The following ITPK1 variants were observed in gnomAD, a reference collection of about 807,000 sequenced individuals.
The protein encoded by ITPK1 is inositol-tetrakisphosphate 1-kinase.
In ITPK1, 21 loss-of-function variants were observed where a neutral mutation model predicts 45.3. The ratio of observed to expected loss-of-function variants is 0.46; its 90% CI spans 0.33 to 0.67. The LOEUF is 0.67. Ranked by LOEUF, ITPK1 falls within the 30% of genes least tolerant of loss-of-function variation. ITPK1 has a pLI of 0.02. For synonymous variants in ITPK1, 258 were observed against 253.6 expected (o/e 1.02, Z -0.16); for missense variants, 474 against 573.5 (o/e 0.83, Z 1.77).
At chr14:92,987,300 G>C (rs1288180339) in intron 5 of ITPK1, among the ~76,000 whole-genome samples, 1 of 152,214 alleles carries the variant, frequency 6.6e-6, no homozygotes, top group East Asian at 1.9e-4. Flanking sequence ...TTGGCTGTGG[G>C]GGTGCAGGAA....
In ITPK1 at chr14:92,941,450, A is replaced by C; in HGVS notation, c.*111T>G. 7.0e-7 allele frequency: 1 copy of C among 1,424,338 alleles called. No homozygotes were observed. Among genetic ancestry groups the C allele is most frequent in the Middle Eastern group, 2.6e-4 (1 of 3,858 alleles). 88.2% of individuals were successfully genotyped at this position (1,424,338 alleles called of 1,614,324 possible). A position where few individuals can be genotyped will look rare whatever the true frequency, so the allele number is the denominator to read the frequency against. On this transcript the variant is annotated 3_prime_UTR_variant, in exon 11 of 11. Transcript: ENST00000267615. ...AGAATCAGGTTAAAAATTAAAAAAC[A>C]GAAGAATCAGATCACTGGGGATTCT... is the stretch of plus-strand genomic sequence containing the variant.
At chr14:92,990,958 T>C (rs115396522) in intron 5 of ITPK1, among the ~76,000 whole-genome samples, 6,315 of 151,994 alleles carry the variant, frequency 0.042, 429 homozygotes, top group African/African-American at 0.14. Flanking sequence ...AGCTCTGTTT[T>C]CCCTGCAGCT....
chr14:92,940,819 T>A lies in ITPK1; in HGVS notation c.*742A>T. On this transcript the variant is annotated 3_prime_UTR_variant, in exon 11 of 11. Transcript: ENST00000267615. ...CGGGCCTCCAGCCAGGCAGCCTCCT[T>A]CCCGGGCTCCAGGGAGCAGCAGTGC... The A allele has an allele frequency of 7.8e-7, 1 of 1,287,026 alleles. No homozygotes were observed. The highest frequency in any genetic ancestry group is 1.2e-5 in the South Asian group (1 of 80,678). The allele number at this position is 1,287,026 out of a possible 1,614,324, so 79.7% of individuals were successfully genotyped here.
chr14:92,946,388 T>C lies in ITPK1; in HGVS notation c.844A>G (p.Ile282Val), dbSNP rs554644267. The C allele has an allele frequency of 1.9e-5, 30 of 1,613,454 alleles. No individual in the cohort carries two copies. The East Asian group carries it at 5.1e-4, about 28-fold the overall frequency. Reference sequence around the variant, plus strand: ...TGCCCTGTCTGGTTGTTGATGATGATGTCGATGCCGAAGAGTGACACGCCC... The same window carrying C: ...TGCCCTGTCTGGTTGTTGATGATGACGTCGATGCCGAAGAGTGACACGCCC... ...ALGVSLFGID[I>V]IINNQTGQHA... Residue 282 changes from isoleucine to valine, a missense_variant, in exon 10 of 11, where the codon ATC becomes GTC. Ile to Val is a conservative substitution (Grantham distance 29). Transcript: ENST00000267615.
chr14:92,996,883 T>C (rs1595121823), intron 4 of ITPK1, among the ~76,000 whole-genome samples: 4 of 152,286 alleles, frequency 2.6e-5, no homozygotes, highest in African/African-American at 7.2e-5. Flanking sequence ...GGCAAGTCAC[T>C]TGGCTTCTCA....
At chr14:93,100,678 T>C (rs1205347505) in intron 2 of ITPK1, among the ~76,000 whole-genome samples, 1 of 151,964 alleles carries the variant, frequency 6.6e-6, no homozygotes, top group Admixed American at 6.5e-5. Context: ...TACATCCCCT[T>C]TATTACCGAA....
In ITPK1 at chr14:93,115,205, C is replaced by T. The variant is rs1245528304; in HGVS notation, c.-42G>A. The T allele has an allele frequency of 2.8e-6, 4 of 1,446,206 alleles. No homozygotes were observed. The highest frequency in any genetic ancestry group is 3.8e-6 in the Non-Finnish European group (4 of 1,043,392). 89.6% of individuals were successfully genotyped at this position (1,446,206 alleles called of 1,614,324 possible). A position where few individuals can be genotyped will look rare whatever the true frequency, so the allele number is the denominator to read the frequency against. On this transcript the variant is annotated 5_prime_UTR_variant, in exon 2 of 11. Coordinates refer to ENST00000267615, the MANE Select transcript of ITPK1 (RefSeq NM_014216.6). The stretch of plus-strand genomic sequence containing the variant: ...GGAGCCTGGGTCCGGAGGAAATCGC[C>T]CACAGGCCGAGTCTGGCGGCCGGCG...
chr14:92,941,284 G>C lies in ITPK1; in HGVS notation c.*277C>G. The C allele has an allele frequency of 7.2e-7, 1 of 1,390,682 alleles. No individual in the cohort carries two copies. The highest frequency in any genetic ancestry group is 9.3e-7 in the Non-Finnish European group (1 of 1,077,830). 86.1% of individuals were successfully genotyped at this position (1,390,682 alleles called of 1,614,324 possible). ...ACCCCTCACCTCCCATCCAGACCTA[G>C]TGTTGCAAACACAAGCGTGTGTAAA... On this transcript the variant is annotated 3_prime_UTR_variant, in exon 11 of 11. Transcript: ENST00000267615.
chr14:93,015,619 C>T (rs1158446451), intron 4 of ITPK1, among the ~76,000 whole-genome samples: 3 of 152,250 alleles, frequency 2.0e-5, no homozygotes, highest in Non-Finnish European at 4.4e-5. Flanking sequence ...AGGGCAGACG[C>T]CCTGGAGGGC....
At chr14:93,090,388 G>T (rs75736771) in intron 2 of ITPK1, among the ~76,000 whole-genome samples, 2,819 of 152,236 alleles carry the variant, frequency 0.019, 99 homozygotes, top group African/African-American at 0.065. Flanking sequence ...CAGGGTGTTG[G>T]AAAGGGTGGT....
intron 3 of ITPK1, among the ~76,000 whole-genome samples, chr14:93,040,686 C>G (rs114498412): frequency 3.3e-5 from 5 of 152,198 alleles, no homozygotes; most frequent in South Asian, 2.1e-4. Flanking sequence ...CTCTCCCCCC[C>G]GCAGGAGGCT....
intron 8 of ITPK1, among the ~76,000 whole-genome samples, chr14:92,957,210 C>G (rs1342718169): frequency 6.6e-6 from 1 of 152,220 alleles, no homozygotes; most frequent in Non-Finnish European, 1.5e-5. Context: ...GGAGGTAAAA[C>G]AGCCGGCGTC....
At chr14:93,058,311 G>A (rs1015175549) in intron 3 of ITPK1, among the ~76,000 whole-genome samples, 3 of 149,790 alleles carry the variant, frequency 2.0e-5, no homozygotes, top group Non-Finnish European at 4.4e-5. Context: ...AGAAGAACTG[G>A]GTCCGCTCTC....
At chr14:93,004,985 T>C (rs1041912569) in intron 4 of ITPK1, among the ~76,000 whole-genome samples, 11 of 151,978 alleles carry the variant, frequency 7.2e-5, no homozygotes, top group African/African-American at 2.7e-4. Flanking sequence ...AGTCTCAACA[T>C]GAAAAGTGAG....
At chr14:92,942,745 G>A (rs147179894) in intron 10 of ITPK1, among the ~76,000 whole-genome samples, 4 of 152,314 alleles carry the variant, frequency 2.6e-5, no homozygotes, top group Admixed American at 6.5e-5. Flanking sequence ...CAGAGCCCTC[G>A]GGAGCCACCA....
intron 3 of ITPK1, among the ~76,000 whole-genome samples, chr14:93,054,230 C>A (rs1456471452): frequency 6.6e-6 from 1 of 152,206 alleles, no homozygotes; most frequent in Non-Finnish European, 1.5e-5. Context: ...AAACAGGGTA[C>A]TGTGGGGCTG....
At position 93,101,453 on chromosome 14, in the gene ITPK1, A is replaced by G. The variant is rs756648982; in HGVS notation, c.95+13616T>C. Among the ~76,000 whole-genome samples the G allele has an allele frequency of 3.9e-5, 6 of 152,208 alleles. No homozygotes were observed. The East Asian group carries it at 7.7e-4, about 20-fold the overall frequency. ...TGCCCTGCACAGAAGGGAAGTTTGC[A>G]TGTGCTGACCCCCTCCTATGCATGA... On this transcript the variant is annotated intron_variant, in intron 2 of 10. Coordinates refer to ENST00000267615, the MANE Select transcript of ITPK1 (RefSeq NM_014216.6).
At chr14:93,078,247 T>A (rs79089242) in intron 2 of ITPK1, among the ~76,000 whole-genome samples, 1 of 152,156 alleles carries the variant, frequency 6.6e-6, no homozygotes, top group Non-Finnish European at 1.5e-5. Context: ...TTGGGCACCC[T>A]TGCTCCCTTG....
At chr14:93,113,798 C>T (rs532431235) in intron 2 of ITPK1, among the ~76,000 whole-genome samples, 1 of 152,220 alleles carries the variant, frequency 6.6e-6, no homozygotes, top group Admixed American at 6.5e-5. Context: ...AGGCAGCCAA[C>T]CCCATCCCCA....
Sources: gnomAD v4.1 joint callset for allele counts (sites outside exome capture counted in the v4.1 genomes callset) on GRCh38, gnomAD v4.1.1 for gene constraint, MANE v1.5 for transcripts, NCBI Gene and HGNC (gene_info 2026-07-23, HGNC 2026-07-21) for gene names.